Variants in OPCML observed in about 807,000 individuals in gnomAD.
OPCML encodes the protein opioid-binding protein/cell adhesion molecule.
Under a neutral mutation model 37.8 loss-of-function variants are expected in OPCML, and 13 were observed. The observed-to-expected ratio is 0.34, with a 90% CI of 0.22 to 0.55. OPCML has a LOEUF of 0.55. Among genes scored for constraint, OPCML ranks in the 20% least tolerant of loss-of-function variants. OPCML has a pLI of 0.91. For synonymous variants in OPCML, 176 were observed against 168.8 expected (o/e 1.04, Z -0.33); for missense variants, 341 against 435.6 (o/e 0.78, Z 1.93).
intron 1 of OPCML, among the ~76,000 whole-genome samples, chr11:133,112,580 G>C (rs1327570459): frequency 1.3e-5 from 2 of 152,144 alleles, no homozygotes; most frequent in Non-Finnish European, 2.9e-5. Context: ...GATTGGATTT[G>C]TATAAATAAA....
intron 1 of OPCML, among the ~76,000 whole-genome samples, chr11:133,504,357 G>C (rs771496634): frequency 6.6e-5 from 10 of 152,316 alleles, no homozygotes; most frequent in Non-Finnish European, 1.5e-4. Flanking sequence ...GGTTCACAAA[G>C]TCTAAAATAG....
At chr11:133,165,365 T>A (rs987070171) in intron 1 of OPCML, among the ~76,000 whole-genome samples, 1 of 152,066 alleles carries the variant, frequency 6.6e-6, no homozygotes, top group African/African-American at 2.4e-5. Flanking sequence ...CTCCCCTTCA[T>A]CCAGAAAACT....
At chr11:132,569,661 C>G (rs2096432721) in intron 3 of OPCML, among the ~76,000 whole-genome samples, 1 of 152,028 alleles carries the variant, frequency 6.6e-6, no homozygotes, top group South Asian at 2.1e-4. Context: ...TCAATATAGT[C>G]CTAGACGTAA....
At chr11:132,655,277 C>G (rs1275338801) in intron 3 of OPCML, among the ~76,000 whole-genome samples, 2 of 152,208 alleles carry the variant, frequency 1.3e-5, no homozygotes, top group African/African-American at 4.8e-5. Flanking sequence ...TGAGGTGGCA[C>G]TTCCGATGCC....
intron 3 of OPCML, among the ~76,000 whole-genome samples, chr11:132,564,244 T>C (rs368284775): frequency 6.6e-6 from 1 of 152,214 alleles, no homozygotes; most frequent in African/African-American, 2.4e-5. Flanking sequence ...CCTCTATTAC[T>C]CAATTATCTT....
intron 2 of OPCML, among the ~76,000 whole-genome samples, chr11:132,701,846 C>A (rs1471388725): frequency 6.8e-6 from 1 of 147,030 alleles, no homozygotes; most frequent in Non-Finnish European, 1.5e-5. Flanking sequence ...TGTGTATCTA[C>A]TATAGGTGTT....
intron 3 of OPCML, among the ~76,000 whole-genome samples, chr11:132,599,494 C>T (rs2137765572): frequency 6.6e-6 from 1 of 151,896 alleles, no homozygotes; most frequent in Admixed American, 6.6e-5. Flanking sequence ...GAAAAAGAGA[C>T]AAAACCTAAG....
chr11:132,779,500 ACT>A (rs950430161), intron 2 of OPCML, among the ~76,000 whole-genome samples: 33 of 150,028 alleles, frequency 2.2e-4, no homozygotes, highest in Non-Finnish European at 2.9e-5. Context: ...GTTGTGGGAA[ACT>A]CTTCAAAGAT....
intron 1 of OPCML, among the ~76,000 whole-genome samples, chr11:132,960,749 G>C (rs1054133058): frequency 3.3e-5 from 5 of 152,126 alleles, no homozygotes; most frequent in African/African-American, 1.2e-4. Context: ...CCCACCCTTT[G>C]GCAATGTGCG....
At chr11:132,974,030 C>G (rs1266127237) in intron 1 of OPCML, among the ~76,000 whole-genome samples, 1 of 152,186 alleles carries the variant, frequency 6.6e-6, no homozygotes, top group Non-Finnish European at 1.5e-5. Flanking sequence ...TTCCCTCCAG[C>G]TGCTATGGAG....
intron 1 of OPCML, among the ~76,000 whole-genome samples, chr11:133,367,758 C>G (rs1026428166): frequency 2.6e-5 from 4 of 152,184 alleles, no homozygotes; most frequent in African/African-American, 9.6e-5. Context: ...CTTGTACGTT[C>G]TGGCCCTTCT....
chr11:132,706,524 G>A (rs1050924571), intron 2 of OPCML, among the ~76,000 whole-genome samples: 5 of 152,176 alleles, frequency 3.3e-5, no homozygotes, highest in Non-Finnish European at 5.9e-5. Flanking sequence ...GTTGCCTGAA[G>A]AAAAGATGTG....
intron 2 of OPCML, among the ~76,000 whole-genome samples, chr11:132,940,609 C>G (rs1945544403): frequency 1.3e-5 from 2 of 152,276 alleles, no homozygotes; most frequent in African/African-American, 4.8e-5. Context: ...CCTCAGAGTA[C>G]TGACAAATCA....
At chr11:132,680,729 G>A (rs1942904223) in intron 2 of OPCML, among the ~76,000 whole-genome samples, 1 of 152,190 alleles carries the variant, frequency 6.6e-6, no homozygotes, top group Non-Finnish European at 1.5e-5. Context: ...TTATATTCGA[G>A]CAGAGAAACT....
intron 1 of OPCML, among the ~76,000 whole-genome samples, chr11:133,427,088 G>A (rs1946018249): frequency 6.6e-6 from 1 of 152,010 alleles, no homozygotes; most frequent in Non-Finnish European, 1.5e-5. Flanking sequence ...ATGAATGTAA[G>A]GATATAGATA....
At chr11:133,039,101 A>G (rs1235301623) in intron 1 of OPCML, among the ~76,000 whole-genome samples, 1 of 152,168 alleles carries the variant, frequency 6.6e-6, no homozygotes, top group South Asian at 2.1e-4. Context: ...CACAACTCCA[A>G]GGCCTTTTCA....
At chr11:133,125,962 A>C (rs991468931) in intron 1 of OPCML, among the ~76,000 whole-genome samples, 2 of 149,642 alleles carry the variant, frequency 1.3e-5, no homozygotes, top group Admixed American at 1.3e-4. Flanking sequence ...TATATAGTGT[A>C]TATATATACA....
intron 1 of OPCML, among the ~76,000 whole-genome samples, chr11:132,996,323 T>C (rs1946884153): frequency 6.6e-6 from 1 of 151,882 alleles, no homozygotes; most frequent in Non-Finnish European, 1.5e-5. Flanking sequence ...GGATAAAGAT[T>C]AAAACTTGAT....
chr11:133,132,841 G>A (rs183124419), intron 1 of OPCML, among the ~76,000 whole-genome samples: 4 of 136,592 alleles, frequency 2.9e-5, no homozygotes, highest in African/African-American at 1.1e-4. Context: ...TATTTTCCTG[G>A]GATCACAAAG....
Sources: gnomAD v4.1 joint callset for allele counts (sites outside exome capture counted in the v4.1 genomes callset) on GRCh38, gnomAD v4.1.1 for gene constraint, MANE v1.5 for transcripts, NCBI Gene and HGNC (gene_info 2026-07-23, HGNC 2026-07-21) for gene names.